Variants in RNF150 observed in about 807,000 individuals in gnomAD.
RNF150 encodes ring finger protein 150.
RNF150 carries 24 observed loss-of-function variants against 39.3 expected under a neutral mutation model. The ratio of observed to expected loss-of-function variants is 0.61; its 90% CI spans 0.44 to 0.86. The LOEUF (loss-of-function observed/expected upper bound fraction) is 0.86, where lower values mean the gene tolerates loss of function less well. RNF150 is among the 40% of genes least tolerant of loss of function. RNF150 has a pLI of 0.00. For synonymous variants in RNF150, 255 were observed against 227.3 expected, an observed-to-expected ratio of 1.12 and a Z score of -1.10; for missense variants, 502 against 587.8, an observed-to-expected ratio of 0.85 and a Z score of 1.51.
chr4:141,192,019 T>C (rs1728117528), intron 1 of RNF150, among the ~76,000 whole-genome samples: 1 of 152,212 alleles, frequency 6.6e-6, no homozygotes, highest in Non-Finnish European at 1.5e-5. Flanking sequence ...GGAGCATGAA[T>C]TGGGCTTTCT....
chr4:140,875,296 G>T (rs1233743725), intron 6 of RNF150, among the ~76,000 whole-genome samples: 1 of 151,260 alleles, frequency 6.6e-6, no homozygotes, highest in Non-Finnish European at 1.5e-5. Flanking sequence ...AGCCTTCTAA[G>T]TAGCTGGGGC....
At chr4:140,954,899 C>A (rs564537892) in intron 2 of RNF150, among the ~76,000 whole-genome samples, 1 of 152,300 alleles carries the variant, frequency 6.6e-6, no homozygotes, top group Admixed American at 6.5e-5. Context: ...AGTTTATTTT[C>A]TTCCTATCTC....
intron 6 of RNF150, among the ~76,000 whole-genome samples, chr4:140,909,019 A>G (rs1730493877): frequency 6.6e-6 from 1 of 152,162 alleles, no homozygotes; most frequent in Admixed American, 6.5e-5. Flanking sequence ...GCAAAATTTT[A>G]TCACATCTTC....
At chr4:141,086,834 A>G (rs992498966) in intron 1 of RNF150, among the ~76,000 whole-genome samples, 7 of 152,060 alleles carry the variant, frequency 4.6e-5, no homozygotes, top group Admixed American at 2.6e-4. Flanking sequence ...TACAAAATCA[A>G]CAGCCCAGCT....
chr4:140,976,104 T>C (rs906315934), intron 1 of RNF150, among the ~76,000 whole-genome samples: 2 of 152,146 alleles, frequency 1.3e-5, no homozygotes, highest in African/African-American at 4.8e-5. Context: ...GACACTGATT[T>C]CTCTGCATTA....
intron 1 of RNF150, among the ~76,000 whole-genome samples, chr4:141,179,135 G>A (rs1550058): frequency 0.38 from 56,995 of 151,954 alleles, 13,156 homozygotes; most frequent in Non-Finnish European, 0.5. Context: ...CCTCTCTGAC[G>A]TTCAACCACA....
At chr4:141,048,788 G>GC (rs1271469037) in intron 1 of RNF150, among the ~76,000 whole-genome samples, 1 of 152,130 alleles carries the variant, frequency 6.6e-6, no homozygotes, top group Non-Finnish European at 1.5e-5. Flanking sequence ...ATTGGCTGTT[G>GC]CAACTATTAA....
At chr4:141,101,170 A>G (rs1738996047) in intron 1 of RNF150, among the ~76,000 whole-genome samples, 1 of 152,228 alleles carries the variant, frequency 6.6e-6, no homozygotes. Flanking sequence ...AGCTTACTGT[A>G]AATTTTTTAC....
At chr4:140,961,309 G>A (rs1346354349) in intron 2 of RNF150, among the ~76,000 whole-genome samples, 34 of 152,128 alleles carry the variant, frequency 2.2e-4, no homozygotes. Flanking sequence ...CCATGATTAT[G>A]TAAGATGCTG....
chr4:141,054,005 T>A (rs1736877266), intron 1 of RNF150, among the ~76,000 whole-genome samples: 2 of 152,174 alleles, frequency 1.3e-5, no homozygotes, highest in South Asian at 4.1e-4. Flanking sequence ...AAAAATCACA[T>A]AATAACATCT....
intron 2 of RNF150, among the ~76,000 whole-genome samples, chr4:140,957,874 G>T (rs1732836518): frequency 1.4e-5 from 2 of 144,246 alleles, no homozygotes; most frequent in South Asian, 4.5e-4. Flanking sequence ...CACAGGAAGG[G>T]GAACGTCACA....
At chr4:141,060,284 T>C (rs939200141) in intron 1 of RNF150, among the ~76,000 whole-genome samples, 1 of 151,998 alleles carries the variant, frequency 6.6e-6, no homozygotes, top group African/African-American at 2.4e-5. Flanking sequence ...TCTACAAAAA[T>C]TTAAAAATTA....
chr4:141,066,060 C>A (rs77557745), intron 1 of RNF150, among the ~76,000 whole-genome samples: 1 of 152,082 alleles, frequency 6.6e-6, no homozygotes, highest in South Asian at 2.1e-4. Context: ...TCTAACCCTT[C>A]GCCCTCAACA....
chr4:141,047,273 G>A (rs977075939), intron 1 of RNF150, among the ~76,000 whole-genome samples: 16 of 152,032 alleles, frequency 1.1e-4, no homozygotes, highest in African/African-American at 3.9e-4. Context: ...ACAGTATTCT[G>A]AACGTGTCCA....
At chr4:141,199,539 A>C (rs1296902301) in intron 1 of RNF150, among the ~76,000 whole-genome samples, 2 of 152,198 alleles carry the variant, frequency 1.3e-5, no homozygotes, top group African/African-American at 4.8e-5. Flanking sequence ...CTACTGGTAC[A>C]CTCAATAATG....
intron 1 of RNF150, among the ~76,000 whole-genome samples, chr4:141,168,682 A>T (rs1727644064): frequency 6.6e-6 from 1 of 152,188 alleles, no homozygotes; most frequent in South Asian, 2.1e-4. Context: ...TTCTCAGTAA[A>T]CTAACACAGG....
intron 1 of RNF150, among the ~76,000 whole-genome samples, chr4:140,999,972 GAAGAAAAGAAGAAAAGAAGAA>G (rs1734545845): frequency 6.7e-5 from 2 of 30,058 alleles, no homozygotes; most frequent in East Asian, 1.9e-3. Context: ...AGAAGAAGAA[GAAGAAAAGAAGAAAAGAAGAA>G]AAGAAGAAGA....
upstream of RNF150, among the ~76,000 whole-genome samples, chr4:141,135,854 A>T (rs993679495): frequency 1.3e-5 from 2 of 152,218 alleles, no homozygotes; most frequent in African/African-American, 4.8e-5. Context: ...TGAGCAGGTG[A>T]TCATGGTGAA....
intron 6 of RNF150, among the ~76,000 whole-genome samples, chr4:140,883,033 T>A (rs1044220252): frequency 6.6e-6 from 1 of 152,140 alleles, no homozygotes; most frequent in Non-Finnish European, 1.5e-5. Flanking sequence ...TATACTTTGA[T>A]TTGTTTCTCA....
Sources: gnomAD v4.1 joint callset for allele counts (sites outside exome capture counted in the v4.1 genomes callset) on GRCh38, gnomAD v4.1.1 for gene constraint, MANE v1.5 for transcripts, NCBI Gene and HGNC (gene_info 2026-07-23, HGNC 2026-07-21) for gene names.